The following CDC14A variants were observed in gnomAD, a reference collection of about 807,000 sequenced individuals.
CDC14A encodes the protein cell division cycle 14A.
A neutral mutation model predicts 74.4 loss-of-function variants in CDC14A; 53 were observed. That is an observed-to-expected ratio of 0.71 (90% CI 0.57 to 0.89). The LOEUF (loss-of-function observed/expected upper bound fraction) is 0.89. Among genes scored for constraint, CDC14A ranks in the 40% least tolerant of loss-of-function variants. The probability of loss-of-function intolerance (pLI) is 0.00; values close to 1 mark genes in which losing one functional copy is unlikely to be tolerated. For synonymous variants in CDC14A, 247 were observed against 258.4 expected (o/e 0.96, Z 0.43); for missense variants, 646 against 713.7 (o/e 0.91, Z 1.08).
intron 4 of CDC14A, among the ~76,000 whole-genome samples, chr1:100,411,994 A>C (rs968342889): frequency 6.6e-6 from 1 of 152,188 alleles, no homozygotes; most frequent in Non-Finnish European, 1.5e-5. Context: ...GTGGGAATGA[A>C]CTAGGAAAGG....
intron 2 of CDC14A, among the ~76,000 whole-genome samples, chr1:100,363,424 C>T (rs1375767084): frequency 1.3e-5 from 2 of 152,182 alleles, no homozygotes; most frequent in African/African-American, 4.8e-5. Flanking sequence ...TTCTTTTTAA[C>T]TCGTATATCA....
chr1:100,396,960 C>G (rs548917712), intron 4 of CDC14A, among the ~76,000 whole-genome samples: 1 of 152,178 alleles, frequency 6.6e-6, no homozygotes, highest in African/African-American at 2.4e-5. Flanking sequence ...ATAGACCAAG[C>G]TTGTTTAACC....
chr1:100,410,849 A>C (rs968606824), intron 4 of CDC14A, among the ~76,000 whole-genome samples: 43 of 152,228 alleles, frequency 2.8e-4, no homozygotes, highest in African/African-American at 4.8e-5. Context: ...AAAAATTTTT[A>C]TCTCTCTCCT....
intron 11 of CDC14A, among the ~76,000 whole-genome samples, chr1:100,489,906 A>G (rs1472987529): frequency 6.6e-6 from 1 of 152,164 alleles, no homozygotes; most frequent in African/African-American, 2.4e-5. Flanking sequence ...CTGCTCTGGC[A>G]TTTTGTAGGG....
chr1:100,349,229 G>C (rs1013871232), upstream of CDC14A, among the ~76,000 whole-genome samples: 1 of 151,360 alleles, frequency 6.6e-6, no homozygotes, highest in South Asian at 2.1e-4. Flanking sequence ...TTTCAAACTC[G>C]ACACTTTTTA....
intron 4 of CDC14A, among the ~76,000 whole-genome samples, chr1:100,412,252 T>A (rs1288817168): frequency 6.6e-6 from 1 of 152,176 alleles, no homozygotes; most frequent in African/African-American, 2.4e-5. Flanking sequence ...CTTATGCTAC[T>A]CTGCCATAAT....
chr1:100,439,010 A>G (rs1387040849), intron 5 of CDC14A, among the ~76,000 whole-genome samples: 1 of 152,200 alleles, frequency 6.6e-6, no homozygotes. Context: ...TACCTCGGAC[A>G]CCTTGGAACA....
intron 11 of CDC14A, among the ~76,000 whole-genome samples, chr1:100,490,921 A>G (rs1223356947): frequency 6.6e-6 from 1 of 152,214 alleles, no homozygotes; most frequent in Non-Finnish European, 1.5e-5. Flanking sequence ...AAAGCTCTTA[A>G]ACATTGCTAG....
At chr1:100,395,265 C>G (rs1382569325) in intron 4 of CDC14A, among the ~76,000 whole-genome samples, 2 of 152,182 alleles carry the variant, frequency 1.3e-5, no homozygotes, top group Non-Finnish European at 2.9e-5. Flanking sequence ...ATCCAACTGC[C>G]TGTTTGATAG....
At chr1:100,415,528 A>T (rs1356130436) in intron 4 of CDC14A, among the ~76,000 whole-genome samples, 2 of 152,210 alleles carry the variant, frequency 1.3e-5, no homozygotes, top group South Asian at 2.1e-4. Flanking sequence ...ATATTTGTTA[A>T]GCAGGTATAT....
intron 15 of CDC14A, 90 bp from the exon 16 acceptor site, chr1:100,518,161 T>A: frequency 1.1e-6 from 1 of 924,318 alleles, no homozygotes; most frequent in Non-Finnish European, 1.8e-6. Flanking sequence ...ATCTCTAAGC[T>A]GTCTTGTGTG....
chr1:100,442,331 A>G (rs186848000), intron 6 of CDC14A, among the ~76,000 whole-genome samples: 1 of 146,764 alleles, frequency 6.8e-6, no homozygotes, highest in African/African-American at 2.5e-5. Flanking sequence ...ATACTATATT[A>G]TGTATTATAT....
intron 4 of CDC14A, chr1:100,394,170 A>C (rs1199069213): frequency 6.1e-6 from 1 of 162,950 alleles, no homozygotes; most frequent in South Asian, 1.8e-4. Flanking sequence ...GCTGCAGTGC[A>C]CTGGTGCGAT....
chr1:100,352,373 T>G, upstream of CDC14A: 47 of 742,484 alleles, frequency 6.3e-5, no homozygotes, highest in Non-Finnish European at 6.9e-5. Flanking sequence ...GGCTGTCCCT[T>G]TAAGGGATGG....
At chr1:100,446,120 T>G (rs1665515089) in intron 7 of CDC14A, among the ~76,000 whole-genome samples, 1 of 152,188 alleles carries the variant, frequency 6.6e-6, no homozygotes, top group African/African-American at 2.4e-5. Context: ...AAAGTCAGTA[T>G]TCCAGTGAAG....
intron 10 of CDC14A, among the ~76,000 whole-genome samples, chr1:100,469,053 C>T (rs1005662577): frequency 6.6e-5 from 10 of 152,186 alleles, no homozygotes; most frequent in African/African-American, 2.4e-4. Flanking sequence ...AGCCACTATG[C>T]CTGGCTGATG....
chr1:100,507,981 A>G (rs1369284070), intron 15 of CDC14A, among the ~76,000 whole-genome samples: 1 of 152,198 alleles, frequency 6.6e-6, no homozygotes, highest in African/African-American at 2.4e-5. Flanking sequence ...CATCCAGCCA[A>G]TAGCCCCCAA....
intron 1 of CDC14A, chr1:100,345,384 TAC>T (rs1401626306): frequency 1.3e-5 from 2 of 152,216 alleles, no homozygotes; most frequent in Non-Finnish European, 2.9e-5. Flanking sequence ...ATCACATTTG[TAC>T]ACAGTGTCTA....
chr1:100,513,742 A>G (rs1649972000), intron 15 of CDC14A, among the ~76,000 whole-genome samples: 2 of 152,180 alleles, frequency 1.3e-5, no homozygotes. Flanking sequence ...CCTCCAGAAT[A>G]GCTAAAATTT....
Sources: allele counts gnomAD v4.1 joint callset (sites outside exome capture counted in the v4.1 genomes callset), GRCh38; gene constraint gnomAD v4.1.1; transcripts MANE v1.5; gene names NCBI Gene and HGNC (gene_info 2026-07-23, HGNC 2026-07-21).